Variants in SLC30A8 observed in about 807,000 individuals in gnomAD.
SLC30A8 encodes the protein solute carrier family 30 member 8, also known as proton-coupled zinc antiporter SLC30A8.
In SLC30A8, 27 loss-of-function variants were observed where a neutral mutation model predicts 36.9. The observed-to-expected ratio is 0.73, with a 90% CI of 0.54 to 1.01. The LOEUF is 1.01. Among genes scored for constraint, SLC30A8 ranks in the 50% least tolerant of loss-of-function variants. The pLI, the probability that SLC30A8 is intolerant of heterozygous loss-of-function variation, is 0.00. For synonymous variants in SLC30A8, 164 were observed against 172.4 expected, an observed-to-expected ratio of 0.95 and a Z score of 0.38; for missense variants, 439 against 452.0, an observed-to-expected ratio of 0.97 and a Z score of 0.26.
intron 2 of SLC30A8, among the ~76,000 whole-genome samples, chr8:117,117,414 C>G (rs954890997): frequency 2.0e-5 from 3 of 151,938 alleles, no homozygotes; most frequent in Non-Finnish European, 4.4e-5. Context: ...AGTCAGGTCC[C>G]AGAGGATCCG....
intron 1 of SLC30A8, among the ~76,000 whole-genome samples, chr8:117,011,953 G>T (rs1268892412): frequency 6.6e-6 from 1 of 152,130 alleles, no homozygotes; most frequent in Non-Finnish European, 1.5e-5. Flanking sequence ...TTCACAGTGG[G>T]TAAGTTTTAC....
intron 2 of SLC30A8, among the ~76,000 whole-genome samples, chr8:117,102,334 C>T (rs2130859849): frequency 6.6e-6 from 1 of 152,158 alleles, no homozygotes; most frequent in Admixed American, 6.6e-5. Context: ...GAATGAGTTG[C>T]CTAAATAATT....
intron 1 of SLC30A8, among the ~76,000 whole-genome samples, chr8:117,014,508 G>A (rs1231054902): frequency 6.6e-6 from 1 of 152,148 alleles, no homozygotes. Flanking sequence ...CAAATATGCT[G>A]AGCATATTTA....
intron 2 of SLC30A8, among the ~76,000 whole-genome samples, chr8:117,043,549 A>G (rs563450383): frequency 6.6e-6 from 1 of 152,358 alleles, no homozygotes; most frequent in South Asian, 2.1e-4. Context: ...ATTGATAAAG[A>G]TAGGGTCAGA....
intron 1 of SLC30A8, among the ~76,000 whole-genome samples, chr8:116,994,255 C>A (rs1216731214): frequency 6.6e-6 from 1 of 152,060 alleles, no homozygotes; most frequent in Non-Finnish European, 1.5e-5. Context: ...GGCACTGCTA[C>A]TGAATCTGAA....
chr8:117,089,974 C>G (rs1311774239), intron 2 of SLC30A8, among the ~76,000 whole-genome samples: 1 of 149,610 alleles, frequency 6.7e-6, no homozygotes, highest in Non-Finnish European at 1.5e-5. Flanking sequence ...TTGATAATTC[C>G]TAATAATTTT....
rs190793339 is a variant in SLC30A8, at chr8:117,151,479, C to T, written c.272-1465C>T. Among the ~76,000 whole-genome samples the T allele has an allele frequency of 4.6e-5, 7 of 152,328 alleles. No homozygotes were observed. In the East Asian group the frequency reaches 7.7e-4, roughly 17 times the overall value. On this transcript the variant is annotated intron_variant, in intron 2 of 7. Coordinates refer to ENST00000456015, the MANE Select transcript of SLC30A8 (RefSeq NM_173851.3). ...TTTGCTCTATGCATCAGTGACTGCC[C>T]GCAGTTTTCTGGATGGCTCTTATAA...
Position 116,965,049 on chromosome 8 carries a change from G to C in SLC30A8, c.-266+13930G>C, listed in dbSNP as rs945043888. Among the ~76,000 whole-genome samples, 5 of 152,128 alleles carry C rather than the reference G, an allele frequency of 3.3e-5. No individual in the cohort carries two copies. The South Asian group carries it at 8.3e-4, about 25-fold the overall frequency. On this transcript the variant is annotated intron_variant, in intron 1 of 10. Coordinates refer to the SLC30A8 transcript ENST00000427715. ...CCTCCCAGGTTCAAGTGATTCTCCTGCCTCTGCCTCCCAAGTAGCTGAGAT... is the reference window on the plus strand; with the variant it reads ...CCTCCCAGGTTCAAGTGATTCTCCTCCCTCTGCCTCCCAAGTAGCTGAGAT...
At chr8:117,136,005 A>G (rs1266265554) in intron 1 of SLC30A8, among the ~76,000 whole-genome samples, 1 of 151,914 alleles carries the variant, frequency 6.6e-6, no homozygotes, top group Non-Finnish European at 1.5e-5. Flanking sequence ...TATAATGAGA[A>G]AGAAAAAAAT....
chr8:117,026,058 G>A (rs1816861516), intron 1 of SLC30A8, among the ~76,000 whole-genome samples: 1 of 152,200 alleles, frequency 6.6e-6, no homozygotes, highest in African/African-American at 2.4e-5. Flanking sequence ...GAAGGGAGAT[G>A]CAGGGGGGAG....
rs1823600272 is a variant in SLC30A8 at position 117,174,972 on chromosome 8, A to G, written c.*2291A>G. On this transcript the variant is annotated 3_prime_UTR_variant, in exon 8 of 8. Coordinates refer to ENST00000456015, the MANE Select transcript of SLC30A8 (RefSeq NM_173851.3). ...TTTATGAACCATCCATCAATTCTGA[A>G]GTTCTGACTCTCCCATTACCCTTTC... 1 of 152,084 alleles carries G rather than the reference A, an allele frequency of 6.6e-6. No homozygotes were observed. The highest frequency in any genetic ancestry group is 1.5e-5 in the Non-Finnish European group (1 of 68,000). 9.4% of individuals were successfully genotyped at this position (152,084 alleles called of 1,614,324 possible). A position where few individuals can be genotyped will look rare whatever the true frequency, so the allele number is the denominator to read the frequency against.
At position 116,975,817 on chromosome 8, in the gene SLC30A8, C is replaced by T. The variant is rs186311559; in HGVS notation, c.-266+24698C>T. 5.9e-5 allele frequency among the ~76,000 whole-genome samples: 9 copies of T among 152,306 alleles called. 1 individual carries two copies. The highest frequency in any genetic ancestry group is 1.4e-4 in the African/African-American group (6 of 41,564). ...GCCAGCAAGGTTGGAAAAGCCAGCT[C>T]TATCTTTACCTGGAATAGCAGGAGA... On this transcript the variant is annotated intron_variant, in intron 1 of 10. Transcript: ENST00000427715.
At chr8:117,117,320 T>C (rs1820485438) in intron 2 of SLC30A8, among the ~76,000 whole-genome samples, 1 of 151,972 alleles carries the variant, frequency 6.6e-6, no homozygotes, top group Non-Finnish European at 1.5e-5. Flanking sequence ...AAGACAGTTA[T>C]GGTAAATTCA....
At chr8:117,087,772 T>C (rs1818939123) in intron 2 of SLC30A8, among the ~76,000 whole-genome samples, 1 of 152,220 alleles carries the variant, frequency 6.6e-6, no homozygotes, top group African/African-American at 2.4e-5. Context: ...CCCATACTTC[T>C]AGGCAGATCT....
chr8:116,970,130 T>C lies in SLC30A8; in HGVS notation c.-266+19011T>C, dbSNP rs183619797. On this transcript the variant is annotated intron_variant, in intron 1 of 10. Coordinates refer to the SLC30A8 transcript ENST00000427715. ...TTCTTATTCTATAATTTTTTTTCTA[T>C]CTTTAAATTTAAAAAATTTTTAGAA... 3.3e-5 allele frequency among the ~76,000 whole-genome samples: 5 copies of C among 152,232 alleles called. No individual in the cohort carries two copies. In the East Asian group the frequency reaches 7.7e-4, roughly 23 times the overall value.
At chr8:117,165,949 A>G (rs902474121) in intron 6 of SLC30A8, among the ~76,000 whole-genome samples, 1 of 152,176 alleles carries the variant, frequency 6.6e-6, no homozygotes, top group African/African-American at 2.4e-5. Context: ...ATAGAAGTGA[A>G]AAGTAGAACA....
intron 1 of SLC30A8, among the ~76,000 whole-genome samples, chr8:116,990,948 C>T (rs1778910279): frequency 1.3e-5 from 2 of 151,554 alleles, no homozygotes; most frequent in Admixed American, 1.3e-4. Context: ...GACAGAAAGA[C>T]TGAGAGAGAG....
rs61537395 is a variant in SLC30A8 at position 117,139,859 on chromosome 8, T to TAAA, written c.71+4478_71+4480dup. Among the ~76,000 whole-genome samples, 381 of 109,718 alleles carry TAAA rather than the reference T, an allele frequency of 3.5e-3. 6 individuals are homozygous for TAAA. Among genetic ancestry groups the TAAA allele is most frequent in the African/African-American group, 0.012 (352 of 30,348 alleles). 72.0% of individuals were successfully genotyped at this position (109,718 alleles called of 152,430 possible). A position where few individuals can be genotyped will look rare whatever the true frequency, so the allele number is the denominator to read the frequency against. On this transcript the variant is annotated intron_variant, in intron 1 of 7. Coordinates refer to ENST00000456015, the MANE Select transcript of SLC30A8 (RefSeq NM_173851.3). ...GCAGGGAAAGTCAGACAACATCTGG[T>TAAA]AAAAAAAAAAAAAAAAAAAGTAGAA... is the stretch of plus-strand genomic sequence containing the variant.
intron 1 of SLC30A8, among the ~76,000 whole-genome samples, chr8:117,003,377 A>G (rs902295544): frequency 6.6e-6 from 1 of 152,228 alleles, no homozygotes; most frequent in African/African-American, 2.4e-5. Context: ...TTGAAGTTCT[A>G]TACTAGCTTA....
Sources: allele counts gnomAD v4.1 joint callset (sites outside exome capture counted in the v4.1 genomes callset), GRCh38; gene constraint gnomAD v4.1.1; transcripts MANE v1.5; gene names NCBI Gene and HGNC (gene_info 2026-07-23, HGNC 2026-07-21).